Variants in CDC42SE2 observed in about 807,000 individuals in gnomAD.
CDC42SE2 encodes the protein CDC42 small effector 2.
Under a neutral mutation model 11.5 loss-of-function variants are expected in CDC42SE2, and 3 were observed. The ratio of observed to expected loss-of-function variants is 0.26; its 90% CI spans 0.12 to 0.67. CDC42SE2 has a LOEUF of 0.67. Ranked by LOEUF, CDC42SE2 falls within the 30% of genes least tolerant of loss-of-function variation. The pLI, the probability that CDC42SE2 is intolerant of heterozygous loss-of-function variation, is 0.80. For missense variants in CDC42SE2, 82 were observed against 106.8 expected, an observed-to-expected ratio of 0.77 and a Z score of 1.02; for synonymous variants, 33 against 34.8, an observed-to-expected ratio of 0.95 and a Z score of 0.18.
intron 1 of CDC42SE2, among the ~76,000 whole-genome samples, chr5:131,291,660 A>C (rs1163940306): frequency 1.3e-5 from 2 of 152,214 alleles, no homozygotes; most frequent in Non-Finnish European, 2.9e-5. Flanking sequence ...AATAGTTTTC[A>C]AAATACATGT....
At chr5:131,340,821 G>C (rs1758694738) in intron 2 of CDC42SE2, among the ~76,000 whole-genome samples, 1 of 151,980 alleles carries the variant, frequency 6.6e-6, no homozygotes, top group Non-Finnish European at 1.5e-5. Context: ...GGAATTACAG[G>C]CATGTACCAC....
intron 1 of CDC42SE2, among the ~76,000 whole-genome samples, chr5:131,246,761 C>CTTTTT (rs71000981): frequency 2.4e-5 from 3 of 124,478 alleles, no homozygotes; most frequent in South Asian, 2.5e-4. Context: ...CACTCAAATC[C>CTTTTT]TTTTTTTTTT....
chr5:131,346,255 C>T (rs548621657), intron 2 of CDC42SE2, among the ~76,000 whole-genome samples: 6 of 152,184 alleles, frequency 3.9e-5, no homozygotes, highest in African/African-American at 1.2e-4. Flanking sequence ...ATTCAGGAGA[C>T]CCATCTCAAG....
chr5:131,294,300 AAATT>A (rs1561575114), intron 1 of CDC42SE2, among the ~76,000 whole-genome samples: 1 of 152,172 alleles, frequency 6.6e-6, no homozygotes, highest in Admixed American at 6.5e-5. Context: ...ATAATATAGA[AAATT>A]AATACAAGAT....
chr5:131,327,296 C>A (rs1758319029), intron 2 of CDC42SE2, among the ~76,000 whole-genome samples: 1 of 152,146 alleles, frequency 6.6e-6, no homozygotes, highest in Non-Finnish European at 1.5e-5. Context: ...CTCATACGTT[C>A]TTTTAATGTG....
chr5:131,310,613 T>G (rs1757884352), intron 1 of CDC42SE2, among the ~76,000 whole-genome samples: 1 of 151,598 alleles, frequency 6.6e-6, no homozygotes, highest in African/African-American at 2.4e-5. Flanking sequence ...AGGACTTGCT[T>G]TATGAATCTG....
intron 1 of CDC42SE2, among the ~76,000 whole-genome samples, chr5:131,299,328 A>G (rs540575478): frequency 6.5e-4 from 99 of 152,276 alleles, no homozygotes; most frequent in Middle Eastern, 3.4e-3. Context: ...GTTAGCAGCT[A>G]TTATGGTATT....
chr5:131,293,903 G>A (rs907839877), intron 1 of CDC42SE2, among the ~76,000 whole-genome samples: 7 of 152,158 alleles, frequency 4.6e-5, no homozygotes, highest in Non-Finnish European at 1.0e-4. Flanking sequence ...AACTTACTGC[G>A]TGTCTTAACT....
chr5:131,234,932 C>T, the CDC42SE2 span, among the ~76,000 whole-genome samples: 11 of 150,254 alleles, frequency 7.3e-5, no homozygotes, highest in South Asian at 4.2e-4. Context: ...CTCTGTCGCC[C>T]GGCTATAGTG....
intron 1 of CDC42SE2, among the ~76,000 whole-genome samples, chr5:131,311,268 G>T (rs957387238): frequency 1.3e-5 from 2 of 150,346 alleles, no homozygotes; most frequent in African/African-American, 4.9e-5. Context: ...TTGAATATTG[G>T]CCCACACTCT....
chr5:131,224,058 T>C, the CDC42SE2 span, among the ~76,000 whole-genome samples: 6 of 152,200 alleles, frequency 3.9e-5, no homozygotes, highest in African/African-American at 1.2e-4. Context: ...TTCTTCTCAG[T>C]ATCTGGCTGA....
chr5:131,238,688 T>A, the CDC42SE2 span, among the ~76,000 whole-genome samples: 1 of 140,790 alleles, frequency 7.1e-6, no homozygotes, highest in Non-Finnish European at 1.5e-5. Flanking sequence ...CATTTTACTA[T>A]TTTTTTTTCT....
At chr5:131,240,840 C>A (rs1353057090), upstream of CDC42SE2, among the ~76,000 whole-genome samples, 1 of 152,298 alleles carries the variant, frequency 6.6e-6, no homozygotes, top group South Asian at 2.1e-4. Context: ...ATGCCATAAT[C>A]TAATTCATTT....
At chr5:131,350,326 A>G (rs915793474) in intron 2 of CDC42SE2, among the ~76,000 whole-genome samples, 2 of 151,858 alleles carry the variant, frequency 1.3e-5, no homozygotes, top group African/African-American at 4.8e-5. Context: ...ATATATTATT[A>G]AATTTATAAA....
At position 131,393,471 on chromosome 5, in the gene CDC42SE2, T is replaced by G. The variant is rs1024099823; in HGVS notation, c.*2380T>G. On this transcript the variant is annotated 3_prime_UTR_variant, in exon 5 of 5. Transcript: ENST00000505065. The stretch of plus-strand genomic sequence containing the variant: ...TCTTCGGAGTAGACATTTTGCAGTT[T>G]GTTTAATAACAACTTCTAAAGTAAG... 1 of 152,380 alleles carries G rather than the reference T, an allele frequency of 6.6e-6. No homozygotes were observed. Among genetic ancestry groups the G allele is most frequent in the Admixed American group, 6.5e-5 (1 of 15,288 alleles). The allele number at this position is 152,380 out of a possible 1,614,324, so 9.4% of individuals were successfully genotyped here. A position where few individuals can be genotyped will look rare whatever the true frequency, so the allele number is the denominator to read the frequency against.
At chr5:131,350,918 T>C (rs965800267) in intron 2 of CDC42SE2, among the ~76,000 whole-genome samples, 1 of 152,080 alleles carries the variant, frequency 6.6e-6, no homozygotes, top group Admixed American at 6.6e-5. Context: ...AGCTTAGAAG[T>C]AGACTGAATG....
chr5:131,341,293 C>T (rs1325623851), intron 2 of CDC42SE2, among the ~76,000 whole-genome samples: 1 of 152,092 alleles, frequency 6.6e-6, no homozygotes, highest in Non-Finnish European at 1.5e-5. Flanking sequence ...TTTAACTCTT[C>T]TAGAAGGGAA....
the CDC42SE2 span, among the ~76,000 whole-genome samples, chr5:131,220,621 G>A: frequency 1.3e-5 from 2 of 152,162 alleles, no homozygotes; most frequent in African/African-American, 4.8e-5. Context: ...TAGAAAACAA[G>A]CTAGAATGAC....
intron 1 of CDC42SE2, among the ~76,000 whole-genome samples, chr5:131,253,847 T>A (rs58991576): frequency 5.9e-5 from 9 of 152,098 alleles, no homozygotes; most frequent in Admixed American, 5.9e-4. Flanking sequence ...TGAAGGATTG[T>A]CTTTTGACAA....
Sources: allele counts gnomAD v4.1 joint callset (sites outside exome capture counted in the v4.1 genomes callset), GRCh38; gene constraint gnomAD v4.1.1; transcripts MANE v1.5; gene names NCBI Gene and HGNC (gene_info 2026-07-23, HGNC 2026-07-21).